ALMS1: variants seen among roughly 807,000 people sequenced by gnomAD.
ALMS1 encodes ALMS1 centrosome and basal body associated protein, also known as centrosome-associated protein ALMS1.
ALMS1 carries 271 observed loss-of-function variants against 352.2 expected under a neutral mutation model. That is an observed-to-expected ratio of 0.77 (90% CI 0.70 to 0.85). The LOEUF is 0.85. Among genes scored for constraint, ALMS1 ranks in the 40% least tolerant of loss-of-function variants. The pLI is 0.00. For missense variants in ALMS1, 5,445 were observed against 4,870.7 expected, an observed-to-expected ratio of 1.12 and a Z score of -3.51; for synonymous variants, 1,865 against 1,761.2, an observed-to-expected ratio of 1.06 and a Z score of -1.48.
chr2:73,488,789 A>G (rs1672910997), intron 9 of ALMS1, among the ~76,000 whole-genome samples: 1 of 152,256 alleles, frequency 6.6e-6, no homozygotes, highest in South Asian at 2.1e-4. Flanking sequence ...ATGCCAAGTT[A>G]TAATGACTGT....
At chr2:73,560,067 A>G (rs1339619570) in intron 15 of ALMS1, among the ~76,000 whole-genome samples, 1 of 152,216 alleles carries the variant, frequency 6.6e-6, no homozygotes, top group Non-Finnish European at 1.5e-5. Context: ...CTGCATGACA[A>G]AGTAGACAAG....
chr2:73,462,460 T>G (rs1026050564), intron 9 of ALMS1, among the ~76,000 whole-genome samples: 29 of 152,228 alleles, frequency 1.9e-4, no homozygotes, highest in South Asian at 6.2e-4. Context: ...AAGGAAGCGC[T>G]AAACATGGAA....
rs1429396039 is a variant in ALMS1 at position 73,600,868 on chromosome 2, G to T, written c.11859G>T (p.Lys3953Asn). The change falls in exon 18 of 23, where the codon AAG becomes AAT. Residue 3953 changes from lysine (K) to asparagine (N), a missense_variant. Lys to Asn is a moderately conservative substitution (Grantham distance 94). Transcript: ENST00000613296. Reference protein sequence around the residue: ...PEDRKLKKNKKNSHEGVSWFV... With the variant: ...PEDRKLKKNKNNSHEGVSWFV... Reference sequence around the variant, plus strand: ...ACAGAAAGTTAAAAAAGAACAAGAAGAATTCCCATGAAGGTCAGTTTCTCA... The same window carrying T: ...ACAGAAAGTTAAAAAAGAACAAGAATAATTCCCATGAAGGTCAGTTTCTCA... The T allele has an allele frequency of 1.2e-6, 2 of 1,613,708 alleles. No individual in the cohort carries two copies. Among genetic ancestry groups the T allele is most frequent in the Non-Finnish European group, 1.7e-6 (2 of 1,179,776 alleles).
At chr2:73,458,059 A>G (rs1026669780) in intron 9 of ALMS1, 2 of 137,000 alleles carry the variant, frequency 1.5e-5, no homozygotes, top group African/African-American at 5.0e-5. Flanking sequence ...AAAAAGGTCT[A>G]AAACTTTTGA....
chr2:73,522,626 G>A (rs527508858), intron 11 of ALMS1, among the ~76,000 whole-genome samples: 12 of 151,976 alleles, frequency 7.9e-5, no homozygotes, highest in Admixed American at 2.0e-4. Context: ...GCACCACCAC[G>A]CCCAACTAAT....
At chr2:73,475,537 A>C (rs540426031) in intron 9 of ALMS1, among the ~76,000 whole-genome samples, 1 of 152,212 alleles carries the variant, frequency 6.6e-6, no homozygotes, top group African/African-American at 2.4e-5. Context: ...ATACCTATTC[A>C]AATTCTTTAC....
At chr2:73,459,484 T>G (rs1672142080) in intron 9 of ALMS1, 1 of 152,190 alleles carries the variant, frequency 6.6e-6, no homozygotes, top group African/African-American at 2.4e-5. Flanking sequence ...TGAAAAAAAT[T>G]CCATCATTGC....
rs756834267 is a variant in ALMS1, at chr2:73,452,566, A to G, written c.6039A>G (p.Ala2013=). The stretch of plus-strand genomic sequence containing the variant: ...ATGACCAGAAAACTGAGTTTCCAGC[A>G]GCTACCCTTAGTTCCTACTCACAAA... The part of the protein sequence containing the change: ...IPDDQKTEFP[A]ATLSSYSQIE... The change falls in exon 8 of 23, where the codon GCA becomes GCG. Residue 2013 remains alanine (A), a synonymous_variant. Coordinates refer to ENST00000613296, the MANE Select transcript of ALMS1 (RefSeq NM_001378454.1). The G allele has an allele frequency of 6.2e-7, 1 of 1,614,114 alleles. No homozygotes were observed. Among genetic ancestry groups the G allele is most frequent in the Non-Finnish European group, 8.5e-7 (1 of 1,180,004 alleles).
intron 9 of ALMS1, among the ~76,000 whole-genome samples, chr2:73,478,893 T>C (rs1385615954): frequency 6.6e-6 from 1 of 152,064 alleles, no homozygotes; most frequent in Non-Finnish European, 1.5e-5. Flanking sequence ...CCTGTGTCCA[T>C]GTGTTCTCAT....
At chr2:73,486,324 G>T (rs1160248612) in intron 9 of ALMS1, among the ~76,000 whole-genome samples, 3 of 152,198 alleles carry the variant, frequency 2.0e-5, no homozygotes, top group East Asian at 3.9e-4. Context: ...CACTGACGCC[G>T]CAAGGAAGGG....
At chr2:73,592,991 A>T (rs1366108353) in intron 16 of ALMS1, among the ~76,000 whole-genome samples, 1 of 152,158 alleles carries the variant, frequency 6.6e-6, no homozygotes, top group Non-Finnish European at 1.5e-5. Flanking sequence ...GAGAAAGCCT[A>T]ACCCATGGTG....
chr2:73,539,983 A>G (rs1674130735), intron 12 of ALMS1, among the ~76,000 whole-genome samples: 1 of 152,238 alleles, frequency 6.6e-6, no homozygotes, highest in African/African-American at 2.4e-5. Context: ...CCAATCTAGC[A>G]AGGCAGGCCA....
chr2:73,579,020 T>C (rs905556973), intron 16 of ALMS1, among the ~76,000 whole-genome samples: 21 of 152,040 alleles, frequency 1.4e-4, no homozygotes, highest in African/African-American at 5.1e-4. Context: ...TGTAACAAAT[T>C]TACTTTTGTT....
At chr2:73,395,044 G>GTGTGTA in intron 1 of ALMS1, among the ~76,000 whole-genome samples, 1 of 95,216 alleles carries the variant, frequency 1.1e-5, no homozygotes, top group African/African-American at 5.1e-5. Flanking sequence ...ATATGTGTGT[G>GTGTGTA]TATATATATA....
intron 10 of ALMS1, among the ~76,000 whole-genome samples, chr2:73,500,653 C>G (rs867645590): frequency 6.6e-6 from 1 of 152,210 alleles, no homozygotes; most frequent in Middle Eastern, 3.4e-3. Flanking sequence ...ATTCCTGAAG[C>G]CTGAACTAGA....
chr2:73,540,893 A>C (rs1217926738), intron 12 of ALMS1, among the ~76,000 whole-genome samples: 1 of 152,246 alleles, frequency 6.6e-6, no homozygotes, highest in Admixed American at 6.5e-5. Flanking sequence ...AGAGACCTAC[A>C]AAGAGACTTA....
At position 73,448,389 on chromosome 2, in the gene ALMS1, C is replaced by A. The variant is rs767763496; in HGVS notation, c.1862C>A (p.Ser621Tyr). The change falls in exon 8 of 23, where the codon TCC (serine) becomes TAC (tyrosine). Residue 621 changes from serine (S) to tyrosine (Y), a missense_variant. By Grantham distance (144) the Ser-to-Tyr change is moderately radical. Coordinates refer to ENST00000613296, the MANE Select transcript of ALMS1 (RefSeq NM_001378454.1). ...GGCATGTCAACTCTAACCTCTACTT[C>A]CTACTCACATAGAGAGAAGCCTGGT... ...TTGMSTLTST[S>Y]YSHREKPGTF... The A allele has an allele frequency of 6.2e-7, 1 of 1,614,044 alleles. No individual in the cohort carries two copies. The highest frequency in any genetic ancestry group is 1.1e-5 in the South Asian group (1 of 91,086).
At chr2:73,460,944 C>A (rs1375187974) in intron 9 of ALMS1, among the ~76,000 whole-genome samples, 1 of 152,220 alleles carries the variant, frequency 6.6e-6, no homozygotes. Context: ...AGCCTGGAAG[C>A]TCGAACTGGG....
At chr2:73,513,622 G>T (rs1391751956) in intron 10 of ALMS1, among the ~76,000 whole-genome samples, 2 of 152,134 alleles carry the variant, frequency 1.3e-5, no homozygotes, top group Non-Finnish European at 2.9e-5. Context: ...CTATCTCTCT[G>T]TGTAGGTATT....
Sources: gnomAD v4.1 joint callset for allele counts (sites outside exome capture counted in the v4.1 genomes callset) on GRCh38, gnomAD v4.1.1 for gene constraint, MANE v1.5 for transcripts, NCBI Gene and HGNC (gene_info 2026-07-23, HGNC 2026-07-21) for gene names.